Variants in IL1RAPL2 observed in about 807,000 individuals in gnomAD.
IL1RAPL2 encodes the protein interleukin 1 receptor accessory protein like 2, also known as X-linked interleukin-1 receptor accessory protein-like 2.
IL1RAPL2 carries 3 observed loss-of-function variants against 44.1 expected under a neutral mutation model. The ratio of observed to expected loss-of-function variants is 0.07; its 90% CI spans 0.03 to 0.18. The LOEUF (loss-of-function observed/expected upper bound fraction) is 0.18. Among genes scored for constraint, IL1RAPL2 ranks in the 10% least tolerant of loss-of-function variants. The pLI is 1.00. For synonymous variants in IL1RAPL2, 181 were observed against 178.8 expected, an observed-to-expected ratio of 1.01 and a Z score of -0.10; for missense variants, 391 against 496.4, an observed-to-expected ratio of 0.79 and a Z score of 2.02.
intron 3 of IL1RAPL2, among the ~76,000 whole-genome samples, chrX:105,228,672 T>C (rs1171138649): frequency 8.9e-6 from 1 of 112,466 alleles, no homozygotes; most frequent in Non-Finnish European, 1.9e-5. Flanking sequence ...TCCTTAGATG[T>C]TATGTTACAC....
At chrX:105,172,915 T>C (rs1371421293) in intron 2 of IL1RAPL2, among the ~76,000 whole-genome samples, 1 of 111,312 alleles carries the variant, frequency 9.0e-6, no homozygotes, top group African/African-American at 3.3e-5. Context: ...ACTCACCCCA[T>C]ATTCTTAGCC....
chrX:105,212,061 C>G (rs1417479861), intron 3 of IL1RAPL2, among the ~76,000 whole-genome samples: 4 of 112,104 alleles, frequency 3.6e-5, no homozygotes, highest in Non-Finnish European at 7.5e-5. Flanking sequence ...ACTGAGCTAG[C>G]TGCAGGAGTA....
At chrX:104,636,855 C>T (rs1399828359) in intron 1 of IL1RAPL2, among the ~76,000 whole-genome samples, 1 of 111,856 alleles carries the variant, frequency 8.9e-6, no homozygotes, top group Non-Finnish European at 1.9e-5. Flanking sequence ...CTGTCCTGCA[C>T]CCACTTTCTG....
intron 2 of IL1RAPL2, among the ~76,000 whole-genome samples, chrX:104,777,541 A>AATTATTATTATT (rs376271609): frequency 1.8e-4 from 15 of 85,310 alleles, no homozygotes; most frequent in African/African-American, 3.5e-4. Flanking sequence ...CTCTGCTTTC[A>AATTATTATTATT]ATTATTATTA....
intron 2 of IL1RAPL2, among the ~76,000 whole-genome samples, chrX:105,080,027 C>G (rs2032380604): frequency 8.9e-6 from 1 of 112,068 alleles, no homozygotes; most frequent in African/African-American, 3.2e-5. Context: ...ATATCCTTCA[C>G]CTGATCTTTG....
chrX:105,077,920 T>C (rs1231763978), intron 2 of IL1RAPL2, among the ~76,000 whole-genome samples: 3 of 111,614 alleles, frequency 2.7e-5, no homozygotes, highest in South Asian at 3.8e-4. Context: ...TCTGCATTGG[T>C]TATTCCAGTT....
chrX:104,941,410 A>C (rs1465556225), intron 2 of IL1RAPL2, among the ~76,000 whole-genome samples: 2 of 111,406 alleles, frequency 1.8e-5, no homozygotes, highest in Admixed American at 9.5e-5. Context: ...TGATGTGAGA[A>C]GGTATCTCAT....
chrX:104,931,367 C>A (rs1924894685), intron 2 of IL1RAPL2, among the ~76,000 whole-genome samples: 1 of 105,936 alleles, frequency 9.4e-6, no homozygotes, highest in Non-Finnish European at 1.9e-5. Flanking sequence ...ACTTCTCCCC[C>A]ACCTCCCCTA....
At chrX:105,564,796 A>G (rs2036962972) in intron 6 of IL1RAPL2, among the ~76,000 whole-genome samples, 1 of 111,803 alleles carries the variant, frequency 8.9e-6, no homozygotes, top group African/African-American at 3.3e-5. Context: ...ATGAGCAGAA[A>G]ATATGCCTCT....
At chrX:105,160,055 C>A (rs1439025904) in intron 2 of IL1RAPL2, among the ~76,000 whole-genome samples, 6 of 99,251 alleles carry the variant, frequency 6.0e-5, no homozygotes, top group African/African-American at 2.3e-4. Flanking sequence ...AAAGCGTAAT[C>A]TATTGGGGCC....
At chrX:105,303,057 C>T (rs2034708704) in intron 5 of IL1RAPL2, among the ~76,000 whole-genome samples, 1 of 111,721 alleles carries the variant, frequency 9.0e-6, no homozygotes, top group Non-Finnish European at 1.9e-5. Flanking sequence ...AATCACTGCA[C>T]TCTCCTCCCC....
intron 6 of IL1RAPL2, among the ~76,000 whole-genome samples, chrX:105,678,686 G>A (rs1404464726): frequency 2.7e-5 from 3 of 110,578 alleles, no homozygotes; most frequent in Non-Finnish European, 5.7e-5. Context: ...GATACTAGGA[G>A]TCAATAGGGT....
chrX:105,285,119 C>G (rs2147665776), intron 5 of IL1RAPL2, among the ~76,000 whole-genome samples: 2 of 112,092 alleles, frequency 1.8e-5, no homozygotes, highest in Admixed American at 1.9e-4. Flanking sequence ...TTCTCTGGTG[C>G]TGATTCGCAT....
At chrX:104,894,384 A>G (rs1160065863) in intron 2 of IL1RAPL2, among the ~76,000 whole-genome samples, 1 of 111,819 alleles carries the variant, frequency 8.9e-6, no homozygotes. Flanking sequence ...AGTATTTTTC[A>G]ACTTGGTTCC....
chrX:105,686,375 GAAAGCAAAAAAAAAAAA>G (rs1364786822), intron 6 of IL1RAPL2, among the ~76,000 whole-genome samples: 3 of 15,973 alleles, frequency 1.9e-4, no homozygotes, highest in African/African-American at 5.5e-4. Flanking sequence ...CAAGCAAATG[GAAAGCAAAAAAAAAAAA>G]AAAAAAAAAA....
intron 2 of IL1RAPL2, among the ~76,000 whole-genome samples, chrX:104,680,127 C>G (rs1930864812): frequency 8.9e-6 from 1 of 111,845 alleles, no homozygotes; most frequent in Non-Finnish European, 1.9e-5. Flanking sequence ...AAGTGATGGT[C>G]CAGCTGACAG....
intron 2 of IL1RAPL2, among the ~76,000 whole-genome samples, chrX:105,160,716 T>C (rs766706703): frequency 1.8e-5 from 2 of 111,445 alleles, no homozygotes; most frequent in Admixed American, 9.6e-5. Flanking sequence ...GATTGAGAGG[T>C]TGATTGATTT....
chrX:105,276,915 A>T (rs1217853913), intron 5 of IL1RAPL2, among the ~76,000 whole-genome samples: 3 of 111,754 alleles, frequency 2.7e-5, no homozygotes, highest in Non-Finnish European at 5.6e-5. Flanking sequence ...TCCTAATCAC[A>T]CCATCCAGTA....
At chrX:104,924,059 CAAA>C (rs1420819762) in intron 2 of IL1RAPL2, among the ~76,000 whole-genome samples, 1 of 99,447 alleles carries the variant, frequency 1.0e-5, no homozygotes, top group African/African-American at 3.5e-5. Context: ...AAAAAAAAGA[CAAA>C]GAAGGGCATT....
Sources: gnomAD v4.1 joint callset for allele counts (sites outside exome capture counted in the v4.1 genomes callset) on GRCh38, gnomAD v4.1.1 for gene constraint, MANE v1.5 for transcripts, NCBI Gene and HGNC (gene_info 2026-07-23, HGNC 2026-07-21) for gene names.